The following FILIP1L variants were observed in gnomAD, a reference collection of about 807,000 sequenced individuals.
FILIP1L encodes the protein filamin A-interacting protein 1-like.
Under a neutral mutation model 96.6 loss-of-function variants are expected in FILIP1L, and 55 were observed. The observed-to-expected ratio is 0.57, with a 90% confidence interval of 0.46 to 0.71. FILIP1L has a LOEUF of 0.71. FILIP1L is among the 30% of genes least tolerant of loss of function. The probability of loss-of-function intolerance (pLI) is 0.00; values close to 1 mark genes in which losing one functional copy is unlikely to be tolerated. For missense variants in FILIP1L, 1,304 were observed against 1,321.2 expected (o/e 0.99, Z 0.20); for synonymous variants, 467 against 473.9 (o/e 0.99, Z 0.19).
chr3:99,859,004 A>T (rs570631048), intron 4 of FILIP1L, among the ~76,000 whole-genome samples: 1 of 152,380 alleles, frequency 6.6e-6, no homozygotes, highest in South Asian at 2.1e-4. Context: ...ACCGTCAAAC[A>T]TAGATGGGAG....
At chr3:99,845,950 A>G (rs774236007) in intron 5 of FILIP1L, among the ~76,000 whole-genome samples, 1 of 152,230 alleles carries the variant, frequency 6.6e-6, no homozygotes, top group Non-Finnish European at 1.5e-5. Flanking sequence ...ATATAGTTAA[A>G]ATCTGGAACA....
chr3:100,078,283 C>G (rs1025324895), intron 1 of FILIP1L, among the ~76,000 whole-genome samples: 1 of 152,122 alleles, frequency 6.6e-6, no homozygotes, highest in Non-Finnish European at 1.5e-5. Flanking sequence ...GAAATGCACC[C>G]TTGCATTTTA....
At chr3:99,939,496 G>C (rs1358536996) in intron 1 of FILIP1L, among the ~76,000 whole-genome samples, 1 of 152,172 alleles carries the variant, frequency 6.6e-6, no homozygotes, top group Non-Finnish European at 1.5e-5. Context: ...AACACATTTT[G>C]ATTGTGCCCC....
intron 4 of FILIP1L, among the ~76,000 whole-genome samples, chr3:99,868,450 T>C (rs1944627698): frequency 6.6e-6 from 1 of 152,186 alleles, no homozygotes; most frequent in African/African-American, 2.4e-5. Flanking sequence ...CAGCACCAGA[T>C]GATGAAGGAG....
chr3:100,053,052 T>A (rs1029667343), intron 1 of FILIP1L, among the ~76,000 whole-genome samples: 4 of 152,308 alleles, frequency 2.6e-5, no homozygotes, highest in Non-Finnish European at 5.9e-5. Context: ...ATTTCTATTC[T>A]CTCCTGAAAC....
intron 1 of FILIP1L, among the ~76,000 whole-genome samples, chr3:100,070,618 G>T (rs115818557): frequency 0.012 from 1,805 of 152,108 alleles, 23 homozygotes; most frequent in African/African-American, 0.027. Context: ...TCATCGTGGG[G>T]TTTTTTTGTT....
At chr3:99,927,419 G>C (rs1707328573) in intron 3 of FILIP1L, among the ~76,000 whole-genome samples, 2 of 151,420 alleles carry the variant, frequency 1.3e-5, no homozygotes, top group South Asian at 4.2e-4. Flanking sequence ...GTTCAGGCTG[G>C]AGTGCAATGG....
chr3:100,073,001 C>G (rs1448727297), intron 1 of FILIP1L, among the ~76,000 whole-genome samples: 1 of 152,070 alleles, frequency 6.6e-6, no homozygotes, highest in South Asian at 2.1e-4. Context: ...TTTTTTACAT[C>G]CACTTCCTTA....
At position 99,846,984 on chromosome 3, in the gene FILIP1L, A is replaced by G. The variant is rs78552759; in HGVS notation, c.3381+1311T>C. On this transcript the variant is annotated intron_variant, in intron 5 of 5. Transcript: ENST00000477258. ...CCCTGAAAGCTGTTGTTCTCTGCTCAGAAGTATGGATTATCCCCAGGGACT... is the reference window on the plus strand; with the variant it reads ...CCCTGAAAGCTGTTGTTCTCTGCTCGGAAGTATGGATTATCCCCAGGGACT... 4.5e-3 allele frequency among the ~76,000 whole-genome samples: 685 copies of G among 152,334 alleles called. 7 individuals carry two copies. The highest frequency in any genetic ancestry group is 0.016 in the African/African-American group (671 of 41,576).
intron 4 of FILIP1L, among the ~76,000 whole-genome samples, chr3:99,890,599 C>T (rs940883157): frequency 1.3e-5 from 2 of 152,042 alleles, no homozygotes; most frequent in Non-Finnish European, 2.9e-5. Flanking sequence ...ATTTTTCTTC[C>T]AGTTTACTAA....
chr3:99,964,857 C>G (rs893508878), intron 1 of FILIP1L, among the ~76,000 whole-genome samples: 1 of 152,126 alleles, frequency 6.6e-6, no homozygotes, highest in Non-Finnish European at 1.5e-5. Flanking sequence ...TGGAAAAACT[C>G]TTTCCTAAGT....
intron 1 of FILIP1L, among the ~76,000 whole-genome samples, chr3:100,071,115 TG>T (rs1255882670): frequency 1.2e-5 from 1 of 86,314 alleles, no homozygotes; most frequent in African/African-American, 4.8e-5. Context: ...TTTTTTTGGA[TG>T]GATTAGCATT....
rs1335126829 is a variant in FILIP1L at position 99,850,808 on chromosome 3, TG to T, written c.867del (p.Arg290AspfsTer2). ...ARVQEEEQKA[T>X]RLEKELQTQT... ...TGCGTTTGCAGTTCCTTCTCTAGTC[TG>T]GTTGCCTTCTGCTCTTCCTCCTGAA... is the stretch of plus-strand genomic sequence containing the variant. On this transcript the variant is annotated frameshift_variant, in exon 5 of 6. Transcript: ENST00000477258. LOFTEE classifies it high-confidence loss of function. The T allele has an allele frequency of 6.2e-7, 1 of 1,614,202 alleles. No individual in the cohort carries two copies. The highest frequency in any genetic ancestry group is 1.7e-5 in the Admixed American group (1 of 60,024).
At chr3:100,040,241 T>C (rs1464074862) in intron 1 of FILIP1L, 1 of 151,972 alleles carries the variant, frequency 6.6e-6, no homozygotes, top group Non-Finnish European at 1.5e-5. Flanking sequence ...AAACAAAGAG[T>C]TCTCTCTTGT....
At chr3:99,913,280 A>G (rs116088203) in intron 4 of FILIP1L, among the ~76,000 whole-genome samples, 1 of 152,212 alleles carries the variant, frequency 6.6e-6, no homozygotes, top group Non-Finnish European at 1.5e-5. Context: ...TGAGGAACTG[A>G]CAGACTATTT....
intron 4 of FILIP1L, among the ~76,000 whole-genome samples, chr3:99,879,389 G>T (rs1705645599): frequency 6.6e-6 from 1 of 152,202 alleles, no homozygotes; most frequent in Non-Finnish European, 1.5e-5. Flanking sequence ...TGTTATTAGT[G>T]AAGTCAGTTG....
In FILIP1L at chr3:99,958,685, C is replaced by A. The variant is rs189795083; in HGVS notation, c.-10-27655G>T. ...AGAAGAGAGCTGGGGGCAGAGCAGG[C>A]AGTGTGAGGCATAGAGGCATGAGCC... On this transcript the variant is annotated intron_variant, in intron 1 of 5. Transcript: ENST00000477258. 2.5e-3 allele frequency among the ~76,000 whole-genome samples: 374 copies of A among 152,176 alleles called. 1 individual carries two copies. Among genetic ancestry groups the A allele is most frequent in the Non-Finnish European group, 2.4e-3 (163 of 68,022 alleles).
chr3:99,974,923 C>A (rs1708925755), intron 1 of FILIP1L, among the ~76,000 whole-genome samples: 1 of 152,150 alleles, frequency 6.6e-6, no homozygotes, highest in Non-Finnish European at 1.5e-5. Context: ...ACTCTGTAAA[C>A]CTGGGCGTGT....
chr3:99,924,253 G>C lies in FILIP1L; in HGVS notation c.582C>G (p.Cys194Trp). ...ACCTTTCACATTCCTGTTCTAGTAG[G>C]CATATGAATTCATCACTCTTCTCCA... ...EYMEKSDEFI[C>W]LLEQECERLK... The change falls in exon 4 of 6, where the codon TGC becomes TGG. Residue 194 changes from cysteine (C) to tryptophan (W), a missense_variant. Physicochemically the swap from Cys to Trp is radical, Grantham distance 215 (BLOSUM62 -2). Transcript: ENST00000477258. The C allele has an allele frequency of 6.2e-7, 1 of 1,613,706 alleles. No homozygotes were observed. Among genetic ancestry groups the C allele is most frequent in the East Asian group, 2.2e-5 (1 of 44,870 alleles).
Sources: allele counts gnomAD v4.1 joint callset (sites outside exome capture counted in the v4.1 genomes callset), GRCh38; gene constraint gnomAD v4.1.1; transcripts MANE v1.5; gene names NCBI Gene and HGNC (gene_info 2026-07-23, HGNC 2026-07-21).